RPRD1A: variants seen among roughly 807,000 people sequenced by gnomAD.
The protein encoded by RPRD1A is regulation of nuclear pre-mRNA domain containing 1A.
RPRD1A carries 9 observed loss-of-function variants against 37.8 expected under a neutral mutation model. The ratio of observed to expected loss-of-function variants is 0.24; its 90% CI spans 0.14 to 0.42. The LOEUF is 0.42. RPRD1A is among the 10% of genes least tolerant of loss of function. The probability of loss-of-function intolerance (pLI) is 1.00; values close to 1 mark genes in which losing one functional copy is unlikely to be tolerated. For synonymous variants in RPRD1A, 138 were observed against 139.7 expected, an observed-to-expected ratio of 0.99 and a Z score of 0.08; for missense variants, 255 against 371.0, an observed-to-expected ratio of 0.69 and a Z score of 2.57.
intron 6 of RPRD1A, among the ~76,000 whole-genome samples, chr18:36,005,844 C>A (rs1255157767): frequency 1.3e-5 from 2 of 152,148 alleles, no homozygotes; most frequent in African/African-American, 4.8e-5. Flanking sequence ...ATGGCTACAC[C>A]TGTGTTTTTT....
chr18:36,008,635 T>G lies in RPRD1A; in HGVS notation c.790-15335A>C, dbSNP rs150940209. ...AAAAAAATAACTGCCCCTCATGGTA[T>G]ATCAATTTTGATATACTGAAATTCT... is the stretch of plus-strand genomic sequence containing the variant. On this transcript the variant is annotated intron_variant, in intron 6 of 6. Transcript: ENST00000399022. Among the ~76,000 whole-genome samples, 409 of 128,246 alleles carry G rather than the reference T, an allele frequency of 3.2e-3. 7 individuals carry two copies. The highest frequency in any genetic ancestry group is 0.011 in the African/African-American group (389 of 34,052). The allele number at this position is 128,246 out of a possible 152,430, so 84.1% of individuals were successfully genotyped here.
chr18:36,002,951 CAG>C (rs1909516715), intron 6 of RPRD1A, among the ~76,000 whole-genome samples: 1 of 152,198 alleles, frequency 6.6e-6, no homozygotes, highest in Non-Finnish European at 1.5e-5. Flanking sequence ...TTTTAAATGG[CAG>C]AGTGGTCTTG....
chr18:36,009,067 G>C (rs1216217003), intron 6 of RPRD1A, among the ~76,000 whole-genome samples: 1 of 149,266 alleles, frequency 6.7e-6, no homozygotes, highest in Non-Finnish European at 1.5e-5. Context: ...TTTTTTTTTT[G>C]TATTAACTAT....
At chr18:35,996,684 G>T (rs1156598920) in intron 6 of RPRD1A, among the ~76,000 whole-genome samples, 2 of 152,062 alleles carry the variant, frequency 1.3e-5, no homozygotes, top group Non-Finnish European at 2.9e-5. Flanking sequence ...ATGCAACTTG[G>T]TTAAAAATAC....
At chr18:36,039,326 G>A (rs548685964) in intron 1 of RPRD1A, among the ~76,000 whole-genome samples, 2 of 152,294 alleles carry the variant, frequency 1.3e-5, no homozygotes, top group South Asian at 2.1e-4. Flanking sequence ...AATGTGAGAG[G>A]AGACTAATAC....
At chr18:36,029,805 CACT>C (rs1467432584) in intron 4 of RPRD1A, among the ~76,000 whole-genome samples, 6 of 151,824 alleles carry the variant, frequency 4.0e-5, no homozygotes, top group East Asian at 3.9e-4. Flanking sequence ...ATCACTCTAA[CACT>C]ACTTTTTTTT....
chr18:36,009,138 C>T (rs572520283), intron 6 of RPRD1A, among the ~76,000 whole-genome samples: 1 of 152,202 alleles, frequency 6.6e-6, no homozygotes, highest in East Asian at 1.9e-4. Flanking sequence ...TCCAAAAATG[C>T]TTAGTGGTTC....
At chr18:36,019,901 G>A (rs1282303709) in intron 6 of RPRD1A, among the ~76,000 whole-genome samples, 1 of 152,126 alleles carries the variant, frequency 6.6e-6, no homozygotes, top group African/African-American at 2.4e-5. Context: ...TTAGACAGCC[G>A]TGATGGCGCG....
chr18:35,991,116 T>G lies in RPRD1A; in HGVS notation c.*2035A>C, dbSNP rs1349770621. 1.3e-5 allele frequency: 2 copies of G among 152,164 alleles called. No individual in the cohort carries two copies. Among genetic ancestry groups the G allele is most frequent in the Non-Finnish European group, 2.9e-5 (2 of 68,028 alleles). 9.4% of individuals were successfully genotyped at this position (152,164 alleles called of 1,614,324 possible). A position where few individuals can be genotyped will look rare whatever the true frequency, so the allele number is the denominator to read the frequency against. ...TATTTCAACAAACTTCTAAAAGATT[T>G]CAAATCTTCCCAGGAGTACATAGTT... On this transcript the variant is annotated 3_prime_UTR_variant, in exon 7 of 7. Coordinates refer to ENST00000399022, the MANE Select transcript of RPRD1A (RefSeq NM_018170.5).
At chr18:36,007,382 T>G (rs1280862791) in intron 6 of RPRD1A, among the ~76,000 whole-genome samples, 1 of 152,184 alleles carries the variant, frequency 6.6e-6, no homozygotes, top group Non-Finnish European at 1.5e-5. Flanking sequence ...TCAGACATGC[T>G]AAGTGGCAAA....
chr18:36,024,611 C>A (rs149933455), intron 6 of RPRD1A, among the ~76,000 whole-genome samples: 1 of 152,028 alleles, frequency 6.6e-6, no homozygotes, highest in African/African-American at 2.4e-5. Context: ...GGCCAATTCC[C>A]GAACTGATAC....
intron 6 of RPRD1A, among the ~76,000 whole-genome samples, chr18:35,996,766 C>G (rs950570206): frequency 6.6e-6 from 1 of 151,858 alleles, no homozygotes; most frequent in Non-Finnish European, 1.5e-5. Context: ...GCTTTGAGCT[C>G]AGGAGTTTGA....
intron 6 of RPRD1A, among the ~76,000 whole-genome samples, chr18:36,023,327 C>A (rs1911136820): frequency 6.6e-6 from 1 of 152,184 alleles, no homozygotes; most frequent in Non-Finnish European, 1.5e-5. Context: ...GGGTTCAAGA[C>A]TTCAGTGGTG....
chr18:36,010,115 GT>G (rs1202009588), intron 6 of RPRD1A, among the ~76,000 whole-genome samples: 1 of 152,016 alleles, frequency 6.6e-6, no homozygotes, highest in Non-Finnish European at 1.5e-5. Context: ...AGAATATACT[GT>G]TTTATGTAAT....
At chr18:36,031,410 T>C (rs1229917961) in intron 2 of RPRD1A, among the ~76,000 whole-genome samples, 1 of 152,228 alleles carries the variant, frequency 6.6e-6, no homozygotes, top group African/African-American at 2.4e-5. Context: ...CTAAGGAAGA[T>C]TTCTCATAGG....
chr18:36,025,131 A>C (rs1911271935), intron 6 of RPRD1A: 1 of 152,446 alleles, frequency 6.6e-6, no homozygotes, highest in Non-Finnish European at 1.5e-5. Context: ...ATTTAAGTAA[A>C]AACAGGAAGC....
At chr18:36,060,155 G>A (rs996415595) in intron 1 of RPRD1A, among the ~76,000 whole-genome samples, 1 of 152,124 alleles carries the variant, frequency 6.6e-6, no homozygotes, top group Non-Finnish European at 1.5e-5. Flanking sequence ...CTTTTGGCCG[G>A]GTGTGGTGGC....
At chr18:36,056,312 G>C (rs1232995032) in intron 1 of RPRD1A, among the ~76,000 whole-genome samples, 1 of 151,758 alleles carries the variant, frequency 6.6e-6, no homozygotes, top group Non-Finnish European at 1.5e-5. Context: ...TTTGAGATGG[G>C]AGTCTTGCTT....
chr18:36,006,728 G>C (rs1249771157), intron 6 of RPRD1A, among the ~76,000 whole-genome samples: 1 of 152,176 alleles, frequency 6.6e-6, no homozygotes, highest in East Asian at 1.9e-4. Flanking sequence ...AATGGTGCTG[G>C]ATGATTAGCC....
Sources: gnomAD v4.1 joint callset for allele counts (sites outside exome capture counted in the v4.1 genomes callset) on GRCh38, gnomAD v4.1.1 for gene constraint, MANE v1.5 for transcripts, NCBI Gene and HGNC (gene_info 2026-07-23, HGNC 2026-07-21) for gene names.